Variants in FHIT observed in about 807,000 individuals in gnomAD.
FHIT encodes the protein fragile histidine triad diadenosine triphosphatase.
FHIT carries 19 observed loss-of-function variants against 17.9 expected under a neutral mutation model. The observed-to-expected ratio is 1.06, with a 90% CI of 0.74 to 1.56. FHIT has a LOEUF of 1.56. FHIT is among the 40% of genes most tolerant of loss of function. The pLI is 0.00. For missense variants in FHIT, 248 were observed against 189.2 expected (o/e 1.31, Z -1.82); for synonymous variants, 81 against 69.7 (o/e 1.16, Z -0.81).
intron 5 of FHIT, among the ~76,000 whole-genome samples, chr3:60,252,893 G>C (rs1419644788): frequency 6.6e-6 from 1 of 152,022 alleles, no homozygotes; most frequent in Non-Finnish European, 1.5e-5. Flanking sequence ...AGCTACTCGG[G>C]AGGCTGAGGC....
intron 1 of FHIT, among the ~76,000 whole-genome samples, chr3:61,242,680 G>T (rs2040400584): frequency 6.6e-6 from 1 of 152,174 alleles, no homozygotes; most frequent in Non-Finnish European, 1.5e-5. Flanking sequence ...ACATTTCAGA[G>T]ACTGGGATTT....
chr3:59,888,373 C>T (rs1703715435), intron 8 of FHIT, among the ~76,000 whole-genome samples: 1 of 152,150 alleles, frequency 6.6e-6, no homozygotes, highest in Non-Finnish European at 1.5e-5. Context: ...GCATGTGATA[C>T]TGAAACTAGA....
At chr3:60,625,890 C>A (rs1576993506) in intron 4 of FHIT, among the ~76,000 whole-genome samples, 3 of 152,092 alleles carry the variant, frequency 2.0e-5, no homozygotes, top group East Asian at 1.9e-4. Flanking sequence ...CATTTGAGGC[C>A]AAGATTCATT....
intron 3 of FHIT, among the ~76,000 whole-genome samples, chr3:60,958,672 G>C (rs1046860141): frequency 2.0e-5 from 3 of 152,174 alleles, no homozygotes; most frequent in Admixed American, 1.3e-4. Flanking sequence ...GGGAGGGACA[G>C]AGCATAATTT....
intron 5 of FHIT, among the ~76,000 whole-genome samples, chr3:60,140,945 G>A (rs1700016282): frequency 1.3e-5 from 2 of 152,124 alleles, no homozygotes; most frequent in Non-Finnish European, 1.5e-5. Context: ...TCATCGGTCA[G>A]TAAATTTCTT....
chr3:61,217,140 AT>A (rs1301933766), intron 1 of FHIT, among the ~76,000 whole-genome samples: 3 of 152,150 alleles, frequency 2.0e-5, no homozygotes, highest in African/African-American at 4.8e-5. Flanking sequence ...AACTTAAAGT[AT>A]AATAATAATA....
intron 3 of FHIT, among the ~76,000 whole-genome samples, chr3:60,894,436 C>A (rs917863798): frequency 6.6e-6 from 1 of 152,054 alleles, no homozygotes; most frequent in Non-Finnish European, 1.5e-5. Flanking sequence ...ATTCTGTCAC[C>A]CCTTGACCCC....
chr3:60,978,045 T>A (rs1432311281), intron 3 of FHIT, among the ~76,000 whole-genome samples: 2 of 151,974 alleles, frequency 1.3e-5, no homozygotes, highest in Non-Finnish European at 2.9e-5. Context: ...TGAAAAAGAG[T>A]GGAAAGAGAA....
At chr3:61,216,190 A>G (rs2039668979) in intron 1 of FHIT, among the ~76,000 whole-genome samples, 1 of 152,180 alleles carries the variant, frequency 6.6e-6, no homozygotes, top group Admixed American at 6.5e-5. Context: ...AGAAACTACC[A>G]TCAGAGTGAA....
intron 5 of FHIT, among the ~76,000 whole-genome samples, chr3:60,434,909 C>A (rs2030071675): frequency 6.6e-6 from 1 of 152,142 alleles, no homozygotes. Context: ...CTACAACATT[C>A]ATAGTTAAAC....
chr3:60,847,021 A>G (rs1168299912), intron 3 of FHIT, among the ~76,000 whole-genome samples: 1 of 152,128 alleles, frequency 6.6e-6, no homozygotes, highest in African/African-American at 2.4e-5. Context: ...ACAAGGTTTC[A>G]CCATATTGGC....
At chr3:59,848,669 T>C (rs1701813859) in intron 8 of FHIT, among the ~76,000 whole-genome samples, 1 of 152,234 alleles carries the variant, frequency 6.6e-6, no homozygotes. Context: ...AGGTAAGCTA[T>C]TCTAAGTTTT....
intron 7 of FHIT, among the ~76,000 whole-genome samples, chr3:59,962,972 T>C (rs1419344773): frequency 4.6e-5 from 7 of 152,186 alleles, no homozygotes; most frequent in Non-Finnish European, 1.5e-5. Context: ...GCAAAATGTA[T>C]TGGCCAGGTG....
intron 5 of FHIT, among the ~76,000 whole-genome samples, chr3:60,170,684 T>G (rs1701380737): frequency 6.6e-6 from 1 of 152,204 alleles, no homozygotes; most frequent in Non-Finnish European, 1.5e-5. Flanking sequence ...TTCTCCTTTC[T>G]GTCTAAATCC....
intron 4 of FHIT, among the ~76,000 whole-genome samples, chr3:60,538,095 T>A (rs1023608012): frequency 6.6e-6 from 1 of 152,092 alleles, no homozygotes; most frequent in Non-Finnish European, 1.5e-5. Flanking sequence ...TCTAGGTAGC[T>A]TCAGGATGGG....
chr3:60,841,199 G>A (rs1702715425), intron 3 of FHIT, among the ~76,000 whole-genome samples: 1 of 152,174 alleles, frequency 6.6e-6, no homozygotes, highest in Non-Finnish European at 1.5e-5. Context: ...TTGTTTAGAA[G>A]AAATGGAATC....
chr3:60,541,854 A>G (rs1010615382), intron 4 of FHIT, among the ~76,000 whole-genome samples: 1 of 152,226 alleles, frequency 6.6e-6, no homozygotes, highest in African/African-American at 2.4e-5. Flanking sequence ...TTTCAGGATA[A>G]TGGAATAGAA....
At chr3:60,436,980 A>G (rs1238776841) in intron 5 of FHIT, among the ~76,000 whole-genome samples, 1 of 152,150 alleles carries the variant, frequency 6.6e-6, no homozygotes, top group Non-Finnish European at 1.5e-5. Flanking sequence ...AAATCCAAGT[A>G]TAAATAAAGT....
At chr3:60,932,619 A>G (rs7613524) in intron 3 of FHIT, among the ~76,000 whole-genome samples, 148,528 of 152,286 alleles carry the variant, frequency 0.98, 72,535 homozygotes, top group East Asian at 1. Flanking sequence ...TTTTTCCCTA[A>G]TTCCTAGCTA....
Sources: allele counts gnomAD v4.1 joint callset (sites outside exome capture counted in the v4.1 genomes callset), GRCh38; gene constraint gnomAD v4.1.1; transcripts MANE v1.5; gene names NCBI Gene and HGNC (gene_info 2026-07-23, HGNC 2026-07-21).